The following VPS13B variants were observed in gnomAD, a reference collection of about 807,000 sequenced individuals.
The protein encoded by VPS13B is vacuolar protein sorting 13 homolog B.
A neutral mutation model predicts 426.4 loss-of-function variants in VPS13B; 285 were observed. The ratio of observed to expected loss-of-function variants is 0.67; its 90% confidence interval spans 0.61 to 0.74. The LOEUF (loss-of-function observed/expected upper bound fraction) is 0.74, where lower values mean the gene tolerates loss of function less well. Among genes scored for constraint, VPS13B ranks in the 30% least tolerant of loss-of-function variants. The probability of loss-of-function intolerance (pLI) is 0.00; values close to 1 mark genes in which losing one functional copy is unlikely to be tolerated. For missense variants in VPS13B, 4,537 were observed against 4,782.6 expected (o/e 0.95, Z 1.51); for synonymous variants, 1,676 against 1,676.4 (o/e 1.00, Z 0.01).
At chr8:99,247,376 CTT>C (rs1291120681) in intron 17 of VPS13B, among the ~76,000 whole-genome samples, 1 of 152,132 alleles carries the variant, frequency 6.6e-6, no homozygotes, top group Non-Finnish European at 1.5e-5. Flanking sequence ...CATCATTACT[CTT>C]TTAAAAATTT....
At chr8:99,852,511 G>A (rs1816343203) in intron 55 of VPS13B, among the ~76,000 whole-genome samples, 2 of 152,246 alleles carry the variant, frequency 1.3e-5, no homozygotes, top group African/African-American at 4.8e-5. Flanking sequence ...AGAGCTGAGA[G>A]AAGACAGGAA....
chr8:99,516,149 A>C (rs1022296571), intron 29 of VPS13B, among the ~76,000 whole-genome samples: 7 of 152,194 alleles, frequency 4.6e-5, no homozygotes, highest in Admixed American at 2.0e-4. Flanking sequence ...AGTATTTTTT[A>C]TACTTTATCT....
chr8:99,559,882 C>T (rs1304043293), intron 31 of VPS13B, among the ~76,000 whole-genome samples: 1 of 152,060 alleles, frequency 6.6e-6, no homozygotes, highest in African/African-American at 2.4e-5. Context: ...ATTGACTTGG[C>T]AATGTGGGCT....
intron 25 of VPS13B, among the ~76,000 whole-genome samples, chr8:99,495,158 G>T (rs894226683): frequency 3.3e-5 from 5 of 151,980 alleles, no homozygotes; most frequent in African/African-American, 9.7e-5. Flanking sequence ...GTTCAAAGTA[G>T]GTTCTAAACA....
intron 19 of VPS13B, among the ~76,000 whole-genome samples, chr8:99,322,852 C>CGATTG (rs1377293534): frequency 1.3e-5 from 2 of 152,158 alleles, no homozygotes; most frequent in African/African-American, 4.8e-5. Context: ...TTCTTAAACA[C>CGATTG]GATTGTCTTA....
At chr8:99,195,066 C>CTT (rs990650263) in intron 17 of VPS13B, among the ~76,000 whole-genome samples, 2 of 152,034 alleles carry the variant, frequency 1.3e-5, no homozygotes, top group Non-Finnish European at 2.9e-5. Context: ...AGGATGGTCT[C>CTT]TATCTCTTGA....
chr8:99,515,424 C>T (rs2133649554), intron 29 of VPS13B, among the ~76,000 whole-genome samples: 1 of 151,934 alleles, frequency 6.6e-6, no homozygotes, highest in Non-Finnish European at 1.5e-5. Flanking sequence ...CCTCCTCCTC[C>T]TCCTGCTGCT....
intron 51 of VPS13B, among the ~76,000 whole-genome samples, chr8:99,829,281 A>C (rs948232518): frequency 2.0e-5 from 3 of 152,064 alleles, no homozygotes; most frequent in African/African-American, 7.3e-5. Context: ...TATTTCTTGG[A>C]GGCTTTGTTC....
intron 33 of VPS13B, among the ~76,000 whole-genome samples, chr8:99,632,401 A>G (rs1369685827): frequency 6.6e-6 from 1 of 152,002 alleles, no homozygotes; most frequent in Non-Finnish European, 1.5e-5. Context: ...ACATTAGATT[A>G]CCTTCATTAA....
chr8:99,485,057 C>T (rs1003825311), intron 25 of VPS13B, among the ~76,000 whole-genome samples: 16 of 152,144 alleles, frequency 1.1e-4, no homozygotes, highest in African/African-American at 3.9e-4. Context: ...TCAGGAACAA[C>T]ACTAGGATTT....
intron 17 of VPS13B, among the ~76,000 whole-genome samples, chr8:99,225,319 G>A (rs147233829): frequency 0.032 from 4,865 of 150,326 alleles, 122 homozygotes; most frequent in Non-Finnish European, 0.048. Flanking sequence ...TCCCTCTGTC[G>A]CCCAGGCTGG....
chr8:99,858,859 G>A (rs745849409), intron 56 of VPS13B, among the ~76,000 whole-genome samples: 8 of 152,118 alleles, frequency 5.3e-5, no homozygotes, highest in South Asian at 4.1e-4. Context: ...TCCCCTTTGC[G>A]ACATGCCATT....
chr8:99,113,146 T>A (rs1198411277), intron 6 of VPS13B, among the ~76,000 whole-genome samples: 2 of 149,292 alleles, frequency 1.3e-5, no homozygotes, highest in East Asian at 4.2e-4. Context: ...TCACCCAGGC[T>A]GGAGTGCAGT....
At chr8:99,305,024 T>G (rs972484688) in intron 19 of VPS13B, among the ~76,000 whole-genome samples, 9 of 152,286 alleles carry the variant, frequency 5.9e-5, no homozygotes, top group Middle Eastern at 3.4e-3. Flanking sequence ...ACCATTTTCA[T>G]TAGTGTAAAC....
chr8:99,718,168 C>T (rs920644425), intron 37 of VPS13B, among the ~76,000 whole-genome samples: 3 of 151,918 alleles, frequency 2.0e-5, no homozygotes, highest in South Asian at 2.1e-4. Context: ...TAGCCTCAGT[C>T]GCCTGGGCTC....
At chr8:99,695,478 C>T (rs1280927690) in intron 35 of VPS13B, among the ~76,000 whole-genome samples, 2 of 139,882 alleles carry the variant, frequency 1.4e-5, no homozygotes, top group African/African-American at 2.7e-5. Context: ...TATTCTCACT[C>T]ATAGGTGGGA....
intron 53 of VPS13B, 58 bp from the exon 54 acceptor site, chr8:99,835,481 T>TC (rs1815340927): frequency 7.0e-6 from 11 of 1,562,684 alleles, no homozygotes; most frequent in Non-Finnish European, 8.8e-6. Flanking sequence ...TTATGTTCTG[T>TC]CCCCCAAGTC....
chr8:99,370,830 G>A (rs1361033419), intron 19 of VPS13B, among the ~76,000 whole-genome samples: 3 of 152,008 alleles, frequency 2.0e-5, no homozygotes, highest in African/African-American at 4.8e-5. Flanking sequence ...GGCTGGTCTC[G>A]AACTCCTAGA....
At chr8:99,400,456 A>G (rs996573431) in intron 21 of VPS13B, among the ~76,000 whole-genome samples, 7 of 152,204 alleles carry the variant, frequency 4.6e-5, no homozygotes, top group African/African-American at 1.4e-4. Context: ...GTAGTCTTCA[A>G]TTGTTTTTCT....
Sources: allele counts gnomAD v4.1 joint callset (sites outside exome capture counted in the v4.1 genomes callset), GRCh38; gene constraint gnomAD v4.1.1; transcripts MANE v1.5; gene names NCBI Gene and HGNC (gene_info 2026-07-23, HGNC 2026-07-21).